DTNA: variants seen among roughly 807,000 people sequenced by gnomAD.
The protein encoded by DTNA is dystrobrevin alpha, also known as dystrophin-related protein 3.
Under a neutral mutation model 100.7 loss-of-function variants are expected in DTNA, and 43 were observed. The ratio of observed to expected loss-of-function variants is 0.43; its 90% confidence interval spans 0.33 to 0.55. The LOEUF (loss-of-function observed/expected upper bound fraction) is 0.55. Among genes scored for constraint, DTNA ranks in the 20% least tolerant of loss-of-function variants. DTNA has a pLI of 0.04. For missense variants in DTNA, 798 were observed against 953.9 expected, an observed-to-expected ratio of 0.84 and a Z score of 2.15; for synonymous variants, 349 against 347.9, an observed-to-expected ratio of 1.00 and a Z score of -0.04.
rs16966107 is a variant in DTNA, at chr18:34,866,723, T to C, written c.1743+2661T>C. 3.1e-3 allele frequency: 3,069 copies of C among 992,114 alleles called. 69 individuals are homozygous for C. The African/African-American group carries it at 0.048, about 16-fold the overall frequency. The allele number at this position is 992,114 out of a possible 1,614,324, so 61.5% of individuals were successfully genotyped here. On this transcript the variant is annotated intron_variant, in intron 17 of 22. Transcript: ENST00000444659. ...TTTGTGAGAGAAAGACTGTACTCCA[T>C]AACTGACTATTCACGTCCCATCTTT...
intron 1 of DTNA, among the ~76,000 whole-genome samples, chr18:34,666,769 C>T (rs1483775960): frequency 6.6e-6 from 1 of 152,032 alleles, no homozygotes; most frequent in Admixed American, 6.5e-5. Flanking sequence ...CTGTTCTGTT[C>T]CATTGGTCTA....
At chr18:34,780,622 G>A (rs1463000010) in intron 3 of DTNA, among the ~76,000 whole-genome samples, 1 of 152,146 alleles carries the variant, frequency 6.6e-6, no homozygotes, top group African/African-American at 2.4e-5. Flanking sequence ...ACAAGAATCA[G>A]AATCTGCTTC....
At chr18:34,663,064 A>G (rs554650001) in intron 1 of DTNA, 2 of 152,306 alleles carry the variant, frequency 1.3e-5, no homozygotes, top group South Asian at 4.1e-4. Flanking sequence ...CTTCACTCCC[A>G]TGTACTTCCA....
chr18:34,818,080 T>C, intron 7 of DTNA, 84 bp from the exon 8 acceptor site: 2 of 1,610,020 alleles, frequency 1.2e-6, no homozygotes, highest in Non-Finnish European at 1.7e-6. Flanking sequence ...AGAAGAAAGG[T>C]GCAATTCCTG....
At chr18:34,610,838 C>T (rs2054077172) in intron 1 of DTNA, among the ~76,000 whole-genome samples, 1 of 152,022 alleles carries the variant, frequency 6.6e-6, no homozygotes, top group South Asian at 2.1e-4. Flanking sequence ...TAAAAAGATT[C>T]GATGAGATAA....
At chr18:34,594,125 C>T (rs1202957530) in intron 1 of DTNA, among the ~76,000 whole-genome samples, 1 of 151,136 alleles carries the variant, frequency 6.6e-6, no homozygotes, top group East Asian at 1.9e-4. Context: ...TAATTCCAAG[C>T]AGGTTCCCCT....
At chr18:34,704,190 T>G (rs1299746371) in intron 1 of DTNA, among the ~76,000 whole-genome samples, 1 of 152,230 alleles carries the variant, frequency 6.6e-6, no homozygotes, top group African/African-American at 2.4e-5. Flanking sequence ...TACACACATA[T>G]TACTTGATAT....
chr18:34,534,298 C>T (rs981046194), intron 1 of DTNA, among the ~76,000 whole-genome samples: 2 of 151,982 alleles, frequency 1.3e-5, no homozygotes, highest in African/African-American at 2.4e-5. Flanking sequence ...ATTATTGAGG[C>T]TTATGTGCCA....
At chr18:34,877,285 G>A (rs1055727074) in intron 18 of DTNA, among the ~76,000 whole-genome samples, 4 of 152,152 alleles carry the variant, frequency 2.6e-5, no homozygotes, top group African/African-American at 9.7e-5. Flanking sequence ...TCAGCCACCA[G>A]GTAAGGGCAA....
At chr18:34,733,213 C>T (rs533450792) in intron 1 of DTNA, among the ~76,000 whole-genome samples, 12 of 152,240 alleles carry the variant, frequency 7.9e-5, no homozygotes, top group Middle Eastern at 3.4e-3. Context: ...AGGAGCCAGC[C>T]TCCCCTTCAT....
intron 1 of DTNA, among the ~76,000 whole-genome samples, chr18:34,652,650 C>T (rs1182447853): frequency 1.3e-5 from 2 of 152,204 alleles, no homozygotes; most frequent in East Asian, 3.8e-4. Context: ...TTAAATGACA[C>T]TTCTGTGAAG....
At chr18:34,591,482 G>A (rs574643413) in intron 1 of DTNA, among the ~76,000 whole-genome samples, 61 of 152,290 alleles carry the variant, frequency 4.0e-4, no homozygotes, top group African/African-American at 1.4e-3. Flanking sequence ...TACAACAGAG[G>A]TGAACAGAGC....
upstream of DTNA, among the ~76,000 whole-genome samples, chr18:34,706,326 A>G (rs926686253): frequency 2.0e-5 from 3 of 152,194 alleles, no homozygotes; most frequent in Non-Finnish European, 4.4e-5. Flanking sequence ...AAGTGCTTTT[A>G]ATATTATTTC....
chr18:34,875,334 G>GACGCAC lies in DTNA; in HGVS notation c.1844_1849dup (p.His615_Thr616dup). 1 of 1,614,200 alleles carries GACGCAC rather than the reference G, an allele frequency of 6.2e-7. No individual in the cohort carries two copies. The highest frequency in any genetic ancestry group is 8.5e-7 in the Non-Finnish European group (1 of 1,180,036). On this transcript the variant is annotated inframe_insertion, in exon 18 of 23. Coordinates refer to ENST00000444659, the MANE Select transcript of DTNA (RefSeq NM_001386795.1). ...GGTCAGCGTCAGCCTGCTCCACCCC[G>GACGCAC]ACGCACACGCCGCAGGACTCCCTCA...
chr18:34,649,286 G>C (rs16965733), intron 1 of DTNA, among the ~76,000 whole-genome samples: 1 of 152,044 alleles, frequency 6.6e-6, no homozygotes, highest in Non-Finnish European at 1.5e-5. Flanking sequence ...TTAAGATGAC[G>C]TGCACAAAAG....
intron 1 of DTNA, among the ~76,000 whole-genome samples, chr18:34,635,415 A>G (rs867396021): frequency 2.0e-5 from 3 of 152,194 alleles, no homozygotes; most frequent in African/African-American, 2.4e-5. Flanking sequence ...TGGCAGTTCT[A>G]TATTTAATAG....
chr18:34,749,265 G>A (rs1167256467), intron 1 of DTNA, among the ~76,000 whole-genome samples: 2 of 152,050 alleles, frequency 1.3e-5, no homozygotes, highest in Non-Finnish European at 2.9e-5. Context: ...CATCAGTGAA[G>A]AGCAACAGTT....
At position 34,890,080 on chromosome 18, in the gene DTNA, C is replaced by T. The variant is rs930333798; in HGVS notation, c.*2346C>T. The stretch of plus-strand genomic sequence containing the variant: ...CGTGGCACTCCACCACTGACTGGAC[C>T]GAGCTGGCATATGTTGTTTCTTTGT... On this transcript the variant is annotated 3_prime_UTR_variant, in exon 23 of 23. Coordinates refer to ENST00000444659, the MANE Select transcript of DTNA (RefSeq NM_001386795.1). 1.5e-4 allele frequency: 202 copies of T among 1,370,248 alleles called. 1 individual carries two copies. The highest frequency in any genetic ancestry group is 6.0e-4 in the South Asian group (32 of 53,038). 84.9% of individuals were successfully genotyped at this position (1,370,248 alleles called of 1,614,324 possible). A position where few individuals can be genotyped will look rare whatever the true frequency, so the allele number is the denominator to read the frequency against.
At chr18:34,851,291 G>T (rs1277575187) in intron 14 of DTNA, among the ~76,000 whole-genome samples, 1 of 152,052 alleles carries the variant, frequency 6.6e-6, no homozygotes, top group Non-Finnish European at 1.5e-5. Context: ...TAGTAGAGAT[G>T]GGATTTCCCC....
Sources: allele counts gnomAD v4.1 joint callset (sites outside exome capture counted in the v4.1 genomes callset), GRCh38; gene constraint gnomAD v4.1.1; transcripts MANE v1.5; gene names NCBI Gene and HGNC (gene_info 2026-07-23, HGNC 2026-07-21).